KCNH7: variants seen among roughly 807,000 people sequenced by gnomAD.
KCNH7 encodes the protein voltage-gated inwardly rectifying potassium channel KCNH7.
In KCNH7, 49 loss-of-function variants were observed where a neutral mutation model predicts 120.8. The observed-to-expected ratio is 0.41, with a 90% confidence interval of 0.32 to 0.51. The LOEUF (loss-of-function observed/expected upper bound fraction) is 0.51, where lower values mean the gene tolerates loss of function less well. Ranked by LOEUF, KCNH7 falls within the 20% of genes least tolerant of loss-of-function variation. The pLI is 0.38. For synonymous variants in KCNH7, 547 were observed against 516.1 expected (o/e 1.06, Z -0.81); for missense variants, 1,097 against 1,446.6 (o/e 0.76, Z 3.92).
chr2:162,689,190 T>C (rs1686012149), intron 2 of KCNH7, among the ~76,000 whole-genome samples: 1 of 151,296 alleles, frequency 6.6e-6, no homozygotes, highest in East Asian at 2.0e-4. Flanking sequence ...TTCACTCTTG[T>C]TGCAGGCTGG....
chr2:162,610,040 C>T (rs1682912244), intron 2 of KCNH7, among the ~76,000 whole-genome samples: 1 of 152,212 alleles, frequency 6.6e-6, no homozygotes, highest in Non-Finnish European at 1.5e-5. Flanking sequence ...CTTTCTCTCA[C>T]TAGCACTTTT....
At chr2:162,803,480 G>C (rs776806379) in intron 2 of KCNH7, among the ~76,000 whole-genome samples, 11 of 151,678 alleles carry the variant, frequency 7.3e-5, no homozygotes, top group African/African-American at 9.7e-5. Flanking sequence ...TGAGGAAAGT[G>C]ACACTTAGAG....
chr2:162,837,472 G>T (rs979117625), intron 1 of KCNH7, among the ~76,000 whole-genome samples: 3 of 152,074 alleles, frequency 2.0e-5, no homozygotes, highest in Non-Finnish European at 2.9e-5. Context: ...TTAATATAAA[G>T]AGCTTATTAA....
intron 2 of KCNH7, among the ~76,000 whole-genome samples, chr2:162,674,104 A>G (rs1685453910): frequency 6.6e-6 from 1 of 151,898 alleles, no homozygotes; most frequent in South Asian, 2.1e-4. Flanking sequence ...GAATTTGCAG[A>G]TGACACATTT....
At position 162,446,279 on chromosome 2, in the gene KCNH7, G is replaced by A. The variant is rs375890351; in HGVS notation, c.1293C>T (p.Phe431=). 4 of 1,613,834 alleles carry A rather than the reference G, an allele frequency of 2.5e-6. No individual in the cohort carries two copies. The African/African-American group carries it at 4.0e-5, about 16-fold the overall frequency. Residue 431 remains phenylalanine (F), a synonymous_variant, in exon 7 of 16, where the codon TTC becomes TTT. Transcript: ENST00000332142. ...TCTGTTCTTCTCTGTCATTGAGGAGGAAGGCTGCAGAGTAGGGAGTAAATA... is the reference window on the plus strand; with the variant it reads ...TCTGTTCTTCTCTGTCATTGAGGAGAAAGGCTGCAGAGTAGGGAGTAAATA... ...TAIFTPYSAA[F]LLNDREEQKR...
chr2:162,818,694 T>C (rs142403833), intron 2 of KCNH7, among the ~76,000 whole-genome samples: 19 of 152,312 alleles, frequency 1.2e-4, no homozygotes, highest in African/African-American at 3.8e-4. Context: ...ATATGGACTA[T>C]TTCTCCTTTA....
chr2:162,609,308 G>C (rs1682882684), intron 2 of KCNH7, among the ~76,000 whole-genome samples: 1 of 152,086 alleles, frequency 6.6e-6, no homozygotes, highest in African/African-American at 2.4e-5. Context: ...AACTTTTCTT[G>C]CATGGAGTTC....
chr2:162,816,349 GTGTTT>G (rs1684919137), intron 2 of KCNH7, among the ~76,000 whole-genome samples: 3 of 150,122 alleles, frequency 2.0e-5, no homozygotes. Context: ...CACTGACTAT[GTGTTT>G]TGTTTTAGTT....
chr2:162,733,378 A>C (rs922945929), intron 2 of KCNH7, among the ~76,000 whole-genome samples: 1 of 152,170 alleles, frequency 6.6e-6, no homozygotes, highest in African/African-American at 2.4e-5. Flanking sequence ...CATTGACATC[A>C]AGCTTGGCCA....
intron 3 of KCNH7, among the ~76,000 whole-genome samples, chr2:162,528,827 T>G (rs760090980): frequency 6.6e-6 from 1 of 151,978 alleles, no homozygotes; most frequent in East Asian, 1.9e-4. Context: ...GTTGAGGGTC[T>G]GAATAGGACA....
intron 2 of KCNH7, among the ~76,000 whole-genome samples, chr2:162,657,841 A>G (rs1029752677): frequency 6.6e-5 from 10 of 151,366 alleles, no homozygotes; most frequent in Non-Finnish European, 1.2e-4. Context: ...AGAACTAAAT[A>G]TAAAAGGCAA....
intron 7 of KCNH7, among the ~76,000 whole-genome samples, chr2:162,441,875 T>C (rs1412314740): frequency 3.3e-5 from 5 of 152,050 alleles, no homozygotes; most frequent in South Asian, 2.1e-4. Context: ...ATTAATGACA[T>C]AGGCAAGCCC....
chr2:162,691,955 A>G (rs1356840419), intron 2 of KCNH7, among the ~76,000 whole-genome samples: 1 of 152,188 alleles, frequency 6.6e-6, no homozygotes, highest in Non-Finnish European at 1.5e-5. Flanking sequence ...GATAGCTTAA[A>G]TTAAAAGCTT....
intron 6 of KCNH7, among the ~76,000 whole-genome samples, 174 bp from the exon 7 acceptor site, chr2:162,446,617 A>G (rs903829942): frequency 1.3e-5 from 2 of 152,160 alleles, no homozygotes; most frequent in African/African-American, 2.4e-5. Context: ...ATAAACTTAT[A>G]CAGTGTATTT....
chr2:162,817,234 G>A (rs753769236), intron 2 of KCNH7, among the ~76,000 whole-genome samples: 18 of 152,022 alleles, frequency 1.2e-4, no homozygotes, highest in East Asian at 5.8e-4. Context: ...TTAACCCCCC[G>A]TCCTAGAGGC....
Position 162,373,498 on chromosome 2 carries a change from G to C in KCNH7, c.3296C>G (p.Thr1099Ser). The change falls in exon 15 of 16, where the codon ACT (threonine) becomes AGT (serine). Residue 1099 changes from threonine (T) to serine (S), a missense_variant. Coordinates refer to ENST00000332142, the MANE Select transcript of KCNH7 (RefSeq NM_033272.4). ...TGAGGAAGGGCTGAAACTTCGGTCA[G>C]TTTTGATGGATGCTTCCGGTTGACT... is the stretch of plus-strand genomic sequence containing the variant. ...RTSQPEASIK[T>S]DRSFSPSSQC... The C allele has an allele frequency of 6.4e-7, 1 of 1,569,322 alleles. No individual in the cohort carries two copies. Among genetic ancestry groups the C allele is most frequent in the South Asian group, 1.2e-5 (1 of 84,008 alleles).
At chr2:162,762,169 ACTAGAGATCTC>A (rs1356657946) in intron 2 of KCNH7, among the ~76,000 whole-genome samples, 1 of 151,580 alleles carries the variant, frequency 6.6e-6, no homozygotes, top group Non-Finnish European at 1.5e-5. Context: ...ATTTTCCCTG[ACTAGAGATCTC>A]CTTTCCTTTT....
intron 2 of KCNH7, among the ~76,000 whole-genome samples, chr2:162,803,932 C>A (rs944247508): frequency 6.6e-5 from 10 of 151,106 alleles, no homozygotes; most frequent in Non-Finnish European, 1.5e-4. Context: ...AAAAAAAAAT[C>A]AAGAAATGTA....
At chr2:162,776,887 G>A (rs1034906453) in intron 2 of KCNH7, among the ~76,000 whole-genome samples, 4 of 152,122 alleles carry the variant, frequency 2.6e-5, no homozygotes, top group Admixed American at 2.6e-4. Context: ...GGTAGAGATT[G>A]GTCATGAGAC....
Sources: allele counts gnomAD v4.1 joint callset (sites outside exome capture counted in the v4.1 genomes callset), GRCh38; gene constraint gnomAD v4.1.1; transcripts MANE v1.5; gene names NCBI Gene and HGNC (gene_info 2026-07-23, HGNC 2026-07-21).